MILR1: variants seen among roughly 807,000 people sequenced by gnomAD.
MILR1 encodes the protein mast cell immunoglobulin like receptor 1, also known as allergin-1.
In MILR1, 31 loss-of-function variants were observed where a neutral mutation model predicts 18.5. The ratio of observed to expected loss-of-function variants is 1.68; its 90% CI spans 1.26 to 2.26. MILR1 has a LOEUF of 2.26. MILR1 is among the 30% of genes most tolerant of loss of function. The pLI is 0.00. For missense variants in MILR1, 257 were observed against 157.4 expected, an observed-to-expected ratio of 1.63 and a Z score of -3.38; for synonymous variants, 85 against 56.2, an observed-to-expected ratio of 1.51 and a Z score of -2.30.
the MILR1 span, chr17:64,497,090 G>A: frequency 9.5e-7 from 1 of 1,052,894 alleles, no homozygotes; most frequent in Admixed American, 1.9e-5. Context: ...GCGTGCTTGC[G>A]GGCGGCAGGC....
chr17:64,478,913 A>AT, the MILR1 span, among the ~76,000 whole-genome samples: 1 of 151,938 alleles, frequency 6.6e-6, no homozygotes, highest in Non-Finnish European at 1.5e-5. Context: ...AGAATGATAC[A>AT]TTTTTCTGTG....
At chr17:64,488,593 C>G in the MILR1 span, among the ~76,000 whole-genome samples, 39 of 152,212 alleles carry the variant, frequency 2.6e-4, 1 homozygote, top group Middle Eastern at 3.4e-3. Flanking sequence ...ATACAAAAAT[C>G]ATCTTTAAAT....
chr17:64,467,042 CTTTCTTCT>C (rs1329388499), intron 8 of MILR1, among the ~76,000 whole-genome samples: 31 of 136,226 alleles, frequency 2.3e-4, no homozygotes, highest in African/African-American at 5.5e-4. Context: ...TTCTTTCTTT[CTTTCTTCT>C]TTCTTTCTTT....
At chr17:64,472,218 C>T (rs535584194), downstream of MILR1, among the ~76,000 whole-genome samples, 1 of 151,900 alleles carries the variant, frequency 6.6e-6, no homozygotes, top group African/African-American at 2.4e-5. Flanking sequence ...CAGTGGCTCA[C>T]GTCTGTAATC....
At chr17:64,455,463 T>A (rs950572991) in intron 3 of MILR1, among the ~76,000 whole-genome samples, 3 of 148,330 alleles carry the variant, frequency 2.0e-5, no homozygotes, top group East Asian at 2.0e-4. Context: ...CAAAAAAAAA[T>A]TTTTTTTTTG....
At chr17:64,469,765 T>C (rs2037659707), downstream of MILR1, among the ~76,000 whole-genome samples, 1 of 152,164 alleles carries the variant, frequency 6.6e-6, no homozygotes, top group Non-Finnish European at 1.5e-5. Context: ...CACGCTGCTG[T>C]GGGCTCCTCT....
chr17:64,482,935 G>T, the MILR1 span: 1 of 1,590,610 alleles, frequency 6.3e-7, no homozygotes, highest in Non-Finnish European at 8.6e-7. Flanking sequence ...TAGTTCCAAT[G>T]TGGGGCCTCT....
intron 6 of MILR1, among the ~76,000 whole-genome samples, chr17:64,465,929 C>T (rs1205912064): frequency 6.6e-6 from 1 of 152,092 alleles, no homozygotes; most frequent in African/African-American, 2.4e-5. Context: ...CAAGACCCAG[C>T]GCCTCGGCTG....
chr17:64,497,126 T>G, the MILR1 span: 1 of 756,854 alleles, frequency 1.3e-6, no homozygotes, highest in Non-Finnish European at 2.3e-6. Context: ...CATGTCTGCG[T>G]TCCGGCCGCA....
At chr17:64,461,397 G>A (rs1456930186) in intron 5 of MILR1, among the ~76,000 whole-genome samples, 2 of 151,806 alleles carry the variant, frequency 1.3e-5, no homozygotes, top group African/African-American at 2.4e-5. Flanking sequence ...ACAGGTTTCC[G>A]CCACCATACC....
At chr17:64,459,092 G>T (rs976993198) in intron 4 of MILR1, among the ~76,000 whole-genome samples, 1 of 152,170 alleles carries the variant, frequency 6.6e-6, no homozygotes, top group Non-Finnish European at 1.5e-5. Context: ...ATTCAAACCT[G>T]ACCTTCCAGG....
At chr17:64,491,695 C>T in the MILR1 span, 81 of 1,092,660 alleles carry the variant, frequency 7.4e-5, no homozygotes, top group Admixed American at 1.0e-3. Context: ...GGGAGCATCT[C>T]GGGGTTTACC....
intron 4 of MILR1, among the ~76,000 whole-genome samples, chr17:64,458,668 C>T (rs1041202062): frequency 1.3e-4 from 19 of 151,942 alleles, no homozygotes; most frequent in Non-Finnish European, 2.6e-4. Flanking sequence ...TCTGGTACCT[C>T]CAGGCTATGC....
the MILR1 span, among the ~76,000 whole-genome samples, chr17:64,483,445 T>C: frequency 6.7e-6 from 1 of 150,220 alleles, no homozygotes; most frequent in African/African-American, 2.5e-5. Context: ...ACCCGGGAGG[T>C]CAAGGCTGCA....
chr17:64,496,942 G>A, the MILR1 span: 1 of 1,608,932 alleles, frequency 6.2e-7, no homozygotes, highest in Non-Finnish European at 8.5e-7. Flanking sequence ...CCTTATGGCA[G>A]GCCCTGACGG....
downstream of MILR1, among the ~76,000 whole-genome samples, chr17:64,471,059 G>A (rs1023014729): frequency 3.3e-5 from 5 of 152,100 alleles, no homozygotes; most frequent in South Asian, 8.3e-4. Context: ...TCCATCCCTA[G>A]GGGGTAATTT....
At chr17:64,455,097 G>A (rs992016139) in intron 3 of MILR1, among the ~76,000 whole-genome samples, 2 of 152,136 alleles carry the variant, frequency 1.3e-5, no homozygotes, top group Admixed American at 6.5e-5. Context: ...TGCAAACATG[G>A]TACTGGAATA....
At chr17:64,474,676 A>AT in the MILR1 span, among the ~76,000 whole-genome samples, 6 of 150,634 alleles carry the variant, frequency 4.0e-5, no homozygotes, top group African/African-American at 7.3e-5. Flanking sequence ...CATCTGGCCA[A>AT]TTTTTTTTTC....
the MILR1 span, chr17:64,491,498 A>G: frequency 7.0e-7 from 1 of 1,420,088 alleles, no homozygotes. Context: ...CAAAAGAGTG[A>G]GACTATGTCT....
Sources: gnomAD v4.1 joint callset for allele counts (sites outside exome capture counted in the v4.1 genomes callset) on GRCh38, gnomAD v4.1.1 for gene constraint, MANE v1.5 for transcripts, NCBI Gene and HGNC (gene_info 2026-07-23, HGNC 2026-07-21) for gene names.